Variants in TMEM165 observed in about 807,000 individuals in gnomAD.
TMEM165 encodes the protein putative divalent cation/proton antiporter TMEM165.
In TMEM165, 19 loss-of-function variants were observed where a neutral mutation model predicts 30.0. The observed-to-expected ratio is 0.63, with a 90% CI of 0.44 to 0.93. TMEM165 has a LOEUF of 0.93. Among genes scored for constraint, TMEM165 ranks in the 40% least tolerant of loss-of-function variants. The pLI, the probability that TMEM165 is intolerant of heterozygous loss-of-function variation, is 0.00. For missense variants in TMEM165, 340 were observed against 417.0 expected (o/e 0.82, Z 1.61); for synonymous variants, 168 against 162.9 (o/e 1.03, Z -0.24).
At chr4:55,430,039 A>T (rs1016287141), downstream of TMEM165, 1 of 152,246 alleles carries the variant, frequency 6.6e-6, no homozygotes, top group African/African-American at 2.4e-5. Flanking sequence ...AATCACTTTG[A>T]TGAGAAAACA....
rs1721763702 is a variant in TMEM165, at chr4:55,417,101, C to G, written c.463C>G (p.Pro155Ala). The G allele has an allele frequency of 6.2e-7, 1 of 1,606,748 alleles. No individual in the cohort carries two copies. Among genetic ancestry groups the G allele is most frequent in the Non-Finnish European group, 8.5e-7 (1 of 1,177,392 alleles). The change falls in exon 3 of 6, where the codon CCC becomes GCC. Residue 155 changes from proline to alanine, a missense_variant. Transcript: ENST00000381334. ...VLFGYATTVI[P>A]RVYTYYVSTV... is the part of the protein sequence containing the mutation. ...GTTTGGCTATGCCACCACAGTCATC[C>G]CCAGGGTCTATACATACTATGTTTC...
intron 1 of TMEM165, chr4:55,403,190 C>T (rs1721105324): frequency 3.5e-6 from 4 of 1,140,630 alleles, no homozygotes; most frequent in Non-Finnish European, 4.7e-6. Context: ...AATCTCACCT[C>T]TTGTTTGATA....
chr4:55,421,892 A>G (rs1289270672), intron 4 of TMEM165, among the ~76,000 whole-genome samples: 1 of 139,958 alleles, frequency 7.1e-6, no homozygotes, highest in Non-Finnish European at 1.5e-5. Context: ...CGTGTGTACC[A>G]ATTTTTTCTC....
chr4:55,415,657 C>T (rs1721691894), intron 2 of TMEM165: 2 of 152,134 alleles, frequency 1.3e-5, no homozygotes, highest in Non-Finnish European at 2.9e-5. Context: ...TACATATATA[C>T]ACACACAATA....
intron 3 of TMEM165, chr4:55,435,408 A>C (rs934674127): frequency 1.2e-6 from 2 of 1,613,878 alleles, no homozygotes; most frequent in Non-Finnish European, 1.7e-6. Flanking sequence ...GAGAGGAAGC[A>C]CGTGTGCTAC....
Position 55,425,676 on chromosome 4 carries a change from A to G in TMEM165, c.*224A>G, listed in dbSNP as rs1722166456. 4 of 449,692 alleles carry G rather than the reference A, an allele frequency of 8.9e-6. No individual in the cohort carries two copies. The highest frequency in any genetic ancestry group is 4.0e-5 in the Admixed American group (1 of 24,838). 27.9% of individuals were successfully genotyped at this position (449,692 alleles called of 1,614,324 possible). A position where few individuals can be genotyped will look rare whatever the true frequency, so the allele number is the denominator to read the frequency against. ...AGTGTGGGTTTTTCTTCTCTCCAAC[A>G]TAATTATGTTAATATGGTCCTCATT... On this transcript the variant is annotated 3_prime_UTR_variant, in exon 6 of 6. Coordinates refer to ENST00000381334, the MANE Select transcript of TMEM165 (RefSeq NM_018475.5).
chr4:55,433,567 C>T (rs1461695101), intron 3 of TMEM165: 2 of 152,134 alleles, frequency 1.3e-5, no homozygotes, highest in South Asian at 2.1e-4. Flanking sequence ...GTTTTAACAA[C>T]CTCAACTCTG....
chr4:55,405,811 A>ATTACACATTT (rs1721245608), intron 1 of TMEM165, among the ~76,000 whole-genome samples: 1 of 152,114 alleles, frequency 6.6e-6, no homozygotes, highest in Non-Finnish European at 1.5e-5. Flanking sequence ...GATGGTGTTT[A>ATTACACATTT]TGTGTTACAC....
chr4:55,404,428 T>C (rs1219043629), intron 1 of TMEM165, among the ~76,000 whole-genome samples: 1 of 152,066 alleles, frequency 6.6e-6, no homozygotes, highest in Non-Finnish European at 1.5e-5. Context: ...TCCTTGAAAT[T>C]CTTTTTTTAA....
chr4:55,410,672 G>A (rs1721453222), intron 1 of TMEM165, among the ~76,000 whole-genome samples: 1 of 152,152 alleles, frequency 6.6e-6, no homozygotes, highest in Admixed American at 6.5e-5. Flanking sequence ...ACCCTGCTGA[G>A]GTTTGTGGGT....
chr4:55,402,388 C>CGTGTGT lies in TMEM165; in HGVS notation c.207+6003_207+6008dup, dbSNP rs375368106. ...TGTGGTGTCATTGTTTAAGTGCGTGCGTGTGTGTGTGTGTGTATATATATA... is the reference window on the plus strand; with the variant it reads ...TGTGGTGTCATTGTTTAAGTGCGTGCGTGTGTGTGTGTGTGTGTGTGTATATATATA... On this transcript the variant is annotated intron_variant, in intron 1 of 5. Coordinates refer to ENST00000381334, the MANE Select transcript of TMEM165 (RefSeq NM_018475.5). Among the ~76,000 whole-genome samples, 161 of 27,894 alleles carry CGTGTGT rather than the reference C, an allele frequency of 5.8e-3. 4 individuals carry two copies. Among genetic ancestry groups the CGTGTGT allele is most frequent in the Admixed American group, 8.0e-3 (12 of 1,498 alleles). 18.3% of individuals were successfully genotyped at this position (27,894 alleles called of 152,430 possible).
intron 4 of TMEM165, among the ~76,000 whole-genome samples, chr4:55,421,223 C>A (rs1325881088): frequency 6.8e-6 from 1 of 147,460 alleles, no homozygotes; most frequent in Non-Finnish European, 1.5e-5. Flanking sequence ...CTGGAAAGTC[C>A]TATATTAAAG....
At position 55,417,076 on chromosome 4, in the gene TMEM165, G is replaced by T. The variant is rs1282935972; in HGVS notation, c.438G>T (p.Leu146Phe). 3 of 1,585,616 alleles carry T rather than the reference G, an allele frequency of 1.9e-6. No individual in the cohort carries two copies. In the Admixed American group the frequency reaches 5.6e-5, roughly 30 times the overall value. Residue 146 changes from leucine (L) to phenylalanine (F), a missense_variant, in exon 3 of 6, where the codon TTG becomes TTT. Transcript: ENST00000381334. Reference sequence around the variant, plus strand: ...ATACTGTTGTATTTTTTCCAGTTTTGTTTGGCTATGCCACCACAGTCATCC... The same window carrying T: ...ATACTGTTGTATTTTTTCCAGTTTTTTTTGGCTATGCCACCACAGTCATCC... ...ALGLMTCLSV[L>F]FGYATTVIPR...
rs1211734260 is a variant in TMEM165, at chr4:55,400,214, T to C, written c.207+3818T>C. 4.1e-4 allele frequency among the ~76,000 whole-genome samples: 7 copies of C among 17,136 alleles called. No individual in the cohort carries two copies. The East Asian group carries it at 0.068, about 167-fold the overall frequency. The allele number at this position is 17,136 out of a possible 152,430, so 11.2% of individuals were successfully genotyped here. A position where few individuals can be genotyped will look rare whatever the true frequency, so the allele number is the denominator to read the frequency against. Reference sequence around the variant, plus strand: ...TATATAAATATATAATTTATATTTATATTATATATTAATATATTAATGTAA... The same window carrying C: ...TATATAAATATATAATTTATATTTACATTATATATTAATATATTAATGTAA... On this transcript the variant is annotated intron_variant, in intron 1 of 5. Transcript: ENST00000381334.
intron 3 of TMEM165, chr4:55,442,274 T>C (rs1723431286): frequency 2.9e-6 from 2 of 694,850 alleles, no homozygotes; most frequent in Non-Finnish European, 4.8e-6. Flanking sequence ...CTTTAAACAA[T>C]GAATACATTC....
chr4:55,449,980 T>C (rs1481208631), intron 3 of TMEM165: 6 of 1,314,336 alleles, frequency 4.6e-6, no homozygotes, highest in Non-Finnish European at 6.4e-6. Flanking sequence ...ATTTCAGAAA[T>C]GTAAAAACTT....
At chr4:55,429,325 T>C (rs1351816648), downstream of TMEM165, 1 of 152,234 alleles carries the variant, frequency 6.6e-6, no homozygotes, top group Non-Finnish European at 1.5e-5. Flanking sequence ...CTCTAAGTTG[T>C]GTGCTATACC....
chr4:55,434,741 G>A (rs953011175), intron 3 of TMEM165: 1 of 155,038 alleles, frequency 6.5e-6, no homozygotes, highest in African/African-American at 2.4e-5. Context: ...GGATGGATCA[G>A]TTTGCACATG....
intron 3 of TMEM165, among the ~76,000 whole-genome samples, chr4:55,446,604 G>A (rs1471337396): frequency 3.3e-5 from 5 of 152,016 alleles, no homozygotes; most frequent in African/African-American, 4.8e-5. Flanking sequence ...ATGAATAAAC[G>A]CATACATGAA....
Sources: gnomAD v4.1 joint callset for allele counts (sites outside exome capture counted in the v4.1 genomes callset) on GRCh38, gnomAD v4.1.1 for gene constraint, MANE v1.5 for transcripts, NCBI Gene and HGNC (gene_info 2026-07-23, HGNC 2026-07-21) for gene names.